The following AQP5 variants were observed in gnomAD, a reference collection of about 807,000 sequenced individuals.
The protein encoded by AQP5 is aquaporin 5.
Under a neutral mutation model 19.1 loss-of-function variants are expected in AQP5, and 15 were observed. That is an observed-to-expected ratio of 0.79 (90% confidence interval 0.53 to 1.21). AQP5 has a LOEUF of 1.21. AQP5 is among the 50% of genes most tolerant of loss of function. The probability of loss-of-function intolerance (pLI) is 0.00; values close to 1 mark genes in which losing one functional copy is unlikely to be tolerated. For synonymous variants in AQP5, 182 were observed against 160.3 expected, an observed-to-expected ratio of 1.14 and a Z score of -1.02; for missense variants, 355 against 357.1, an observed-to-expected ratio of 0.99 and a Z score of 0.05.
chr12:49,964,680 T>C (rs1947469746), intron 3 of AQP5: 2 of 985,348 alleles, frequency 2.0e-6, no homozygotes, highest in Non-Finnish European at 2.4e-6. Flanking sequence ...TCCGTCTCTC[T>C]GAGGACCCAC....
intron 1 of AQP5, chr12:49,962,586 CAT>C (rs1341479224): frequency 1.7e-5 from 12 of 714,858 alleles, no homozygotes; most frequent in Admixed American, 1.5e-4. Context: ...CCCCTCCCCT[CAT>C]GCTGGCCCAC....
intron 3 of AQP5, chr12:49,964,738 G>A: frequency 1.0e-6 from 1 of 985,388 alleles, no homozygotes; most frequent in Non-Finnish European, 1.2e-6. Context: ...TGTGGTTGGA[G>A]GGAGCCTGTC....
At position 49,964,989 on chromosome 12, in the gene AQP5, C is replaced by G. The variant is rs372865125; in HGVS notation, c.613-3C>G. On this transcript the variant is annotated splice_polypyrimidine_tract_variant and splice_region_variant and intron_variant, in intron 3 of 3. Transcript: ENST00000293599. ...GCCCTGACTCCTGCCCTGTCTCCAC[C>G]AGGTTTTCTGGGTAGGGCCCATCGT... 1 of 1,611,606 alleles carries G rather than the reference C, an allele frequency of 6.2e-7. No homozygotes were observed. The highest frequency in any genetic ancestry group is 1.7e-5 in the Admixed American group (1 of 59,810).
intron 1 of AQP5, 115 bp downstream of exon 1, chr12:49,962,495 A>ACCAGGAAGGCAAGAGCCTCCCACGG (rs1947439420): frequency 2.0e-6 from 2 of 1,014,628 alleles, no homozygotes; most frequent in Admixed American, 3.7e-5. Flanking sequence ...CACACCCTTC[A>ACCAGGAAGGCAAGAGCCTCCCACGG]CCAGGAAGGC....
intron 2 of AQP5, 128 bp downstream of exon 2, chr12:49,963,784 C>T: frequency 8.5e-6 from 11 of 1,300,398 alleles, no homozygotes; most frequent in South Asian, 1.5e-5. Flanking sequence ...ATTTAGGGCT[C>T]CTGGACTCTG....
intron 1 of AQP5, 37 bp downstream of exon 1, chr12:49,962,417 TG>T (rs759266366): frequency 2.2e-5 from 31 of 1,427,430 alleles, no homozygotes; most frequent in Non-Finnish European, 2.6e-5. Context: ...GCCTCGACCC[TG>T]GGGTGGGCTC....
At position 49,964,080 on chromosome 12, in the gene AQP5, GTC is replaced by G; in HGVS notation, c.529-8_529-7del. ...ATGTTGCCTTTCTCTCCACCGCCCT[GTC>G]TCTATCCAGATCTACTTCACTGGCT... On this transcript the variant is annotated splice_polypyrimidine_tract_variant and intron_variant, in intron 2 of 3. Transcript: ENST00000293599. The G allele has an allele frequency of 1.2e-6, 2 of 1,612,040 alleles. No homozygotes were observed. The highest frequency in any genetic ancestry group is 1.7e-6 in the Non-Finnish European group (2 of 1,178,042).
chr12:49,965,168 C>T lies in AQP5; in HGVS notation c.789C>T (p.Thr263=). 3.7e-6 allele frequency: 6 copies of T among 1,609,928 alleles called. No individual in the cohort carries two copies. Among genetic ancestry groups the T allele is most frequent in the Non-Finnish European group, 5.1e-6 (6 of 1,178,234 alleles). The change falls in exon 4 of 4, where the codon ACC becomes ACT. Residue 263 remains threonine, a synonymous_variant. Coordinates refer to ENST00000293599, the MANE Select transcript of AQP5 (RefSeq NM_001651.4). Reference sequence around the variant, plus strand: ...AGCGGAAGAAGACCATGGAGCTGACCACCCGCTGACCAGTGTCAGGCAGGG... The same window carrying T: ...AGCGGAAGAAGACCATGGAGCTGACTACCCGCTGACCAGTGTCAGGCAGGG... The part of the protein sequence containing the change: ...REERKKTMEL[T]TR
chr12:49,961,941 C>A lies in AQP5; in HGVS notation c.-77C>A. The stretch of plus-strand genomic sequence containing the variant: ...CGCAGCCAGGCCCCCGCCCCCGCCG[C>A]ATCCACCTCCTCCGCCGCCTGCGAC... On this transcript the variant is annotated 5_prime_UTR_variant, in exon 1 of 4. Coordinates refer to ENST00000293599, the MANE Select transcript of AQP5 (RefSeq NM_001651.4). The A allele has an allele frequency of 1.0e-6, 1 of 997,488 alleles. No individual in the cohort carries two copies. Among genetic ancestry groups the A allele is most frequent in the Non-Finnish European group, 1.3e-6 (1 of 777,760 alleles). 61.8% of individuals were successfully genotyped at this position (997,488 alleles called of 1,614,324 possible).
chr12:49,965,136 C>G lies in AQP5; in HGVS notation c.757C>G (p.Arg253Gly). ...GCCTGACGAGGACTGGGAGGAGCAG[C>G]GGGAAGAGCGGAAGAAGACCATGGA... ...YEPDEDWEEQ[R>G]EERKKTMELT... The change falls in exon 4 of 4, where the codon CGG becomes GGG. Residue 253 changes from arginine to glycine, a missense_variant. Arg to Gly is a moderately radical substitution (Grantham distance 125). Transcript: ENST00000293599. The G allele has an allele frequency of 6.2e-7, 1 of 1,613,516 alleles. No individual in the cohort carries two copies. The highest frequency in any genetic ancestry group is 8.5e-7 in the Non-Finnish European group (1 of 1,179,750).
chr12:49,964,439 C>CA lies in AQP5; in HGVS notation c.612+265dup, dbSNP rs143100338. ...AGAGGCTCTACTGAACCTGGAGGTG[C>CA]AGAGGGGCTCTGTGTCAATTCCCTT... On this transcript the variant is annotated intron_variant, in intron 3 of 3. Transcript: ENST00000293599. 9.7e-3 allele frequency among the ~76,000 whole-genome samples: 1,476 copies of CA among 152,186 alleles called. 43 individuals are homozygous for CA. The East Asian group carries it at 0.11, about 11-fold the overall frequency.
intron 1 of AQP5, 115 bp downstream of exon 1, chr12:49,962,495 A>ACCCGGAAGGCAAGAGCCTCCCAAGG: frequency 9.9e-7 from 1 of 1,014,498 alleles, no homozygotes; most frequent in Admixed American, 3.7e-5. Flanking sequence ...CACACCCTTC[A>ACCCGGAAGGCAAGAGCCTCCCAAGG]CCAGGAAGGC....
Position 49,961,950 on chromosome 12 carries a change from C to T in AQP5, c.-68C>T, listed in dbSNP as rs1337417710. On this transcript the variant is annotated 5_prime_UTR_variant, in exon 1 of 4. Transcript: ENST00000293599. ...GCCCCCGCCCCCGCCGCATCCACCTCCTCCGCCGCCTGCGACCCAACGGGC... is the reference window on the plus strand; with the variant it reads ...GCCCCCGCCCCCGCCGCATCCACCTTCTCCGCCGCCTGCGACCCAACGGGC... 19 of 1,129,812 alleles carry T rather than the reference C, an allele frequency of 1.7e-5. No individual in the cohort carries two copies. Among genetic ancestry groups the T allele is most frequent in the Non-Finnish European group, 2.1e-5 (19 of 886,098 alleles). The allele number at this position is 1,129,812 out of a possible 1,614,324, so 70.0% of individuals were successfully genotyped here.
intron 3 of AQP5, chr12:49,964,610 T>TGGTCAC (rs1244673543): frequency 1.3e-4 from 131 of 981,418 alleles, no homozygotes; most frequent in Admixed American, 1.8e-4. Flanking sequence ...TGGAAGCTCA[T>TGGTCAC]GGTCACTCTC....
intron 3 of AQP5, 125 bp from the exon 4 acceptor site, chr12:49,964,867 A>G: frequency 6.8e-7 from 1 of 1,474,608 alleles, no homozygotes; most frequent in Non-Finnish European, 8.9e-7. Context: ...TTTCTCCCTG[A>G]AGGTCTGGAA....
intron 2 of AQP5, 122 bp downstream of exon 2, chr12:49,963,778 A>C (rs890780090): frequency 1.3e-5 from 18 of 1,338,694 alleles, no homozygotes; most frequent in Non-Finnish European, 1.6e-5. Flanking sequence ...GCCTGGATTT[A>C]GGGCTCCTGG....
chr12:49,963,466 G>A (rs771527089), intron 1 of AQP5, 26 bp from the exon 2 acceptor site: 1 of 1,609,270 alleles, frequency 6.2e-7, no homozygotes, highest in Admixed American at 1.7e-5. Flanking sequence ...AGGTGGCCGG[G>A]GTCCTAACCC....
chr12:49,962,532 A>AGGCCAGGAAGGCAAGAGC (rs145585963), intron 1 of AQP5, 152 bp downstream of exon 1: 3 of 1,196,248 alleles, frequency 2.5e-6, no homozygotes, highest in Non-Finnish European at 2.2e-6. Context: ...CAGGAAGGCA[A>AGGCCAGGAAGGCAAGAGC]CTCTCCAGGC....
At position 49,964,169 on chromosome 12, in the gene AQP5, T is replaced by C. The variant is rs1947461274; in HGVS notation, c.606T>C (p.Ala202=). ...TGGTCATGAATCGGTTCAGCCCCGC[T>C]CACTGGGTGAGTCTGTCCCTTCCCC... ...PAVVMNRFSP[A]HWVFWVGPIV... The change falls in exon 3 of 4, where the codon GCT becomes GCC. Residue 202 remains alanine (A), a synonymous_variant. Transcript: ENST00000293599. 2 of 1,614,014 alleles carry C rather than the reference T, an allele frequency of 1.2e-6. No homozygotes were observed. Among genetic ancestry groups the C allele is most frequent in the East Asian group, 4.5e-5 (2 of 44,882 alleles).
Sources: allele counts gnomAD v4.1 joint callset (sites outside exome capture counted in the v4.1 genomes callset), GRCh38; gene constraint gnomAD v4.1.1; transcripts MANE v1.5; gene names NCBI Gene and HGNC (gene_info 2026-07-23, HGNC 2026-07-21).